The following ESRRG variants were observed in gnomAD, a reference collection of about 807,000 sequenced individuals.
ESRRG encodes the protein estrogen related receptor gamma, also known as estrogen-related receptor gamma.
A neutral mutation model predicts 44.0 loss-of-function variants in ESRRG; 13 were observed. The ratio of observed to expected loss-of-function variants is 0.30; its 90% CI spans 0.19 to 0.47. ESRRG has a LOEUF of 0.47. Among genes scored for constraint, ESRRG ranks in the 20% least tolerant of loss-of-function variants. The probability of loss-of-function intolerance (pLI) is 1.00; values close to 1 mark genes in which losing one functional copy is unlikely to be tolerated. For synonymous variants in ESRRG, 215 were observed against 214.6 expected (o/e 1.00, Z -0.02); for missense variants, 395 against 580.6 (o/e 0.68, Z 3.29).
intron 2 of ESRRG, among the ~76,000 whole-genome samples, chr1:216,652,267 T>C (rs1480121895): frequency 1.3e-5 from 2 of 152,186 alleles, no homozygotes; most frequent in Non-Finnish European, 2.9e-5. Context: ...GCATAGAGTC[T>C]GCCTGGGACC....
intron 2 of ESRRG, among the ~76,000 whole-genome samples, chr1:216,846,240 G>A (rs551684733): frequency 5.3e-5 from 8 of 151,990 alleles, no homozygotes; most frequent in Non-Finnish European, 7.4e-5. Flanking sequence ...ACGTCTTTAC[G>A]TATTCTTGAT....
At chr1:217,075,787 T>C (rs979433701) in intron 1 of ESRRG, among the ~76,000 whole-genome samples, 3 of 152,186 alleles carry the variant, frequency 2.0e-5, no homozygotes, top group African/African-American at 7.2e-5. Context: ...ATATAAGCAC[T>C]ATGTTAACAC....
At chr1:216,868,066 G>T (rs2096198415) in intron 2 of ESRRG, among the ~76,000 whole-genome samples, 1 of 137,040 alleles carries the variant, frequency 7.3e-6, no homozygotes, top group Admixed American at 7.4e-5. Context: ...CCAAATTGTT[G>T]TGTATATTGA....
chr1:216,535,968 G>C (rs758039216), intron 5 of ESRRG, among the ~76,000 whole-genome samples: 3 of 151,998 alleles, frequency 2.0e-5, no homozygotes, highest in Non-Finnish European at 4.4e-5. Context: ...AATCACCAAT[G>C]ACCTAATTGC....
chr1:216,672,327 T>G (rs548048937), intron 2 of ESRRG, among the ~76,000 whole-genome samples: 1 of 152,360 alleles, frequency 6.6e-6, no homozygotes, highest in South Asian at 2.1e-4. Context: ...TTCAATAGTT[T>G]TTCAATGATA....
upstream of ESRRG, chr1:217,090,347 G>A (rs11572385): frequency 1.1e-3 from 172 of 152,224 alleles, no homozygotes; most frequent in Middle Eastern, 3.4e-3. Flanking sequence ...CCCGAATGCT[G>A]GGGTTTCCAT....
At chr1:216,753,118 C>G (rs1404931950) in intron 2 of ESRRG, among the ~76,000 whole-genome samples, 1 of 150,434 alleles carries the variant, frequency 6.6e-6, no homozygotes, top group African/African-American at 2.4e-5. Context: ...ATAAGCATTA[C>G]CAATTAACAT....
At chr1:216,805,737 A>T (rs994625290) in intron 2 of ESRRG, among the ~76,000 whole-genome samples, 2 of 151,782 alleles carry the variant, frequency 1.3e-5, no homozygotes, top group African/African-American at 4.8e-5. Flanking sequence ...GTAATTGGAA[A>T]AAAAAAAAAA....
At chr1:216,749,122 A>G (rs2091747542) in intron 2 of ESRRG, among the ~76,000 whole-genome samples, 1 of 149,334 alleles carries the variant, frequency 6.7e-6, no homozygotes, top group Non-Finnish European at 1.5e-5. Context: ...TTTGCTGGGA[A>G]CTTGCACAGT....
At chr1:216,752,756 G>T (rs944632172) in intron 2 of ESRRG, among the ~76,000 whole-genome samples, 3 of 152,064 alleles carry the variant, frequency 2.0e-5, no homozygotes, top group Non-Finnish European at 2.9e-5. Context: ...TGGAACAGTG[G>T]CTGGGTCCCA....
At chr1:217,028,110 C>T (rs1378715659) in intron 1 of ESRRG, among the ~76,000 whole-genome samples, 4 of 152,132 alleles carry the variant, frequency 2.6e-5, no homozygotes, top group Admixed American at 6.5e-5. Context: ...TCTATACACG[C>T]CCCCACCCCA....
At chr1:216,912,173 A>AAGAAAAGAAG (rs2060472117) in intron 2 of ESRRG, among the ~76,000 whole-genome samples, 1 of 23,972 alleles carries the variant, frequency 4.2e-5, no homozygotes, top group Non-Finnish European at 6.9e-5. Flanking sequence ...AAGAAAAGAA[A>AAGAAAAGAAG]AGAAAAGAAA....
At chr1:216,670,493 G>A (rs1045389926) in intron 2 of ESRRG, among the ~76,000 whole-genome samples, 1 of 152,166 alleles carries the variant, frequency 6.6e-6, no homozygotes, top group East Asian at 1.9e-4. Flanking sequence ...GAAGGTATAC[G>A]TAGCACAAAG....
At chr1:216,841,441 G>A (rs2095652053) in intron 2 of ESRRG, among the ~76,000 whole-genome samples, 1 of 152,116 alleles carries the variant, frequency 6.6e-6, no homozygotes, top group Non-Finnish European at 1.5e-5. Context: ...GGATTTTACA[G>A]GAATTCAATC....
intron 2 of ESRRG, among the ~76,000 whole-genome samples, chr1:216,764,573 G>GC (rs1001826116): frequency 6.6e-6 from 1 of 151,906 alleles, no homozygotes; most frequent in African/African-American, 2.4e-5. Context: ...CCGGCCCAGG[G>GC]GGGGACTCTT....
Position 216,519,341 on chromosome 1 carries a change from A to G in ESRRG, c.943T>C (p.Tyr315His), listed in dbSNP as rs1295534816. 1 of 1,613,788 alleles carries G rather than the reference A, an allele frequency of 6.2e-7. No homozygotes were observed. The highest frequency in any genetic ancestry group is 1.1e-5 in the South Asian group (1 of 91,076). ...WMEILILGVV[Y>H]RSLSFEDELV... is the part of the protein sequence containing the mutation. Reference sequence around the variant, plus strand: ...TCATCCTCAAACGAAAGAGACCGGTATACGACACCAAGGATCAAAATTTCC... The same window carrying G: ...TCATCCTCAAACGAAAGAGACCGGTGTACGACACCAAGGATCAAAATTTCC... The change falls in exon 6 of 7, where the codon TAC (tyrosine) becomes CAC (histidine). Residue 315 changes from tyrosine (Y) to histidine (H), a missense_variant. Around this residue, in one of 5 missense-constraint regions of ESRRG, gnomAD observed 167 missense variants for 251.8 expected, o/e 0.66. Coordinates refer to ENST00000408911, the MANE Select transcript of ESRRG (RefSeq NM_001438.4).
chr1:216,586,638 A>G (rs2063859381), intron 3 of ESRRG, among the ~76,000 whole-genome samples: 1 of 141,026 alleles, frequency 7.1e-6, no homozygotes, highest in Non-Finnish European at 1.5e-5. Flanking sequence ...GTGCAGTGGC[A>G]CCATCTCGGC....
chr1:217,100,707 C>T (rs2092498031), intron 1 of ESRRG, among the ~76,000 whole-genome samples: 2 of 152,170 alleles, frequency 1.3e-5, no homozygotes, highest in Non-Finnish European at 2.9e-5. Flanking sequence ...GGTGAGCCAG[C>T]ACATCACATG....
intron 2 of ESRRG, among the ~76,000 whole-genome samples, chr1:216,661,932 C>T (rs140340669): frequency 6.6e-6 from 1 of 152,260 alleles, no homozygotes; most frequent in African/African-American, 2.4e-5. Flanking sequence ...TCAAATTGGG[C>T]TGCCTTGTTC....
Sources: allele counts gnomAD v4.1 joint callset (sites outside exome capture counted in the v4.1 genomes callset), GRCh38; gene constraint gnomAD v4.1.1; regional missense constraint gnomAD v4.1.1; transcripts MANE v1.5; gene names NCBI Gene and HGNC (gene_info 2026-07-23, HGNC 2026-07-21).